Variants in MAG observed in about 807,000 individuals in gnomAD.
MAG encodes myelin-associated glycoprotein.
In MAG, 30 loss-of-function variants were observed where a neutral mutation model predicts 60.7. The ratio of observed to expected loss-of-function variants is 0.49; its 90% CI spans 0.37 to 0.67. MAG has a LOEUF of 0.67. Ranked by LOEUF, MAG falls within the 30% of genes least tolerant of loss-of-function variation. MAG has a pLI of 0.00. For missense variants in MAG, 795 were observed against 851.7 expected (o/e 0.93, Z 0.83); for synonymous variants, 384 against 376.8 (o/e 1.02, Z -0.22).
chr19:35,310,283 T>C, intron 8 of MAG, 122 bp downstream of exon 8: 1 of 1,314,396 alleles, frequency 7.6e-7, no homozygotes. Flanking sequence ...AAAGGTCAAA[T>C]TCTCCCTTTC....
Position 35,307,165 on chromosome 19 carries a change from C to T in MAG, c.1232-2709C>T, listed in dbSNP as rs903721127. On this transcript the variant is annotated intron_variant, in intron 7 of 10. Transcript: ENST00000392213. ...CAGGTTCGCTGTTATTAATGTACTC[C>T]GTGGCGTGTTAGCTGGTTAACGCTA... is the stretch of plus-strand genomic sequence containing the variant. 7.2e-5 allele frequency among the ~76,000 whole-genome samples: 11 copies of T among 152,368 alleles called. No homozygotes were observed. The East Asian group carries it at 7.7e-4, about 11-fold the overall frequency.
rs2066385421 is a variant in MAG at position 35,295,015 on chromosome 19, C to A, written c.-23-371C>A. On this transcript the variant is annotated intron_variant, in intron 2 of 10. Coordinates refer to ENST00000392213, the MANE Select transcript of MAG (RefSeq NM_002361.4). This position sits in a 1 kb window ranked among gnomAD's most constrained non-coding sequence, Gnocchi z 5.8. ...TTACACCTGTAATCCTTTGGGAAGC[C>A]AAGGCAGGAATATTGCTGGAGGCCA... 6.6e-6 allele frequency among the ~76,000 whole-genome samples: 1 copy of A among 152,004 alleles called. No homozygotes were observed. The highest frequency in any genetic ancestry group is 2.4e-5 in the African/African-American group (1 of 41,354).
rs185570196 is a variant in MAG at position 35,293,518 on chromosome 19, G to A, written c.-79-717G>A. On this transcript the variant is annotated intron_variant, in intron 1 of 10. Coordinates refer to ENST00000392213, the MANE Select transcript of MAG (RefSeq NM_002361.4). The surrounding 1 kb of genome is among the most constrained non-coding windows in gnomAD (Gnocchi z 4.0). ...GCTACATCTGTCACATTTCATCCCC[G>A]CGATTGGATGTGTCTGTGCATGTGT... Among the ~76,000 whole-genome samples, 44 of 152,160 alleles carry A rather than the reference G, an allele frequency of 2.9e-4. No homozygotes were observed. Among genetic ancestry groups the A allele is most frequent in the South Asian group, 2.1e-4 (1 of 4,818 alleles).
intron 5 of MAG, 28 bp downstream of exon 5, chr19:35,299,878 T>C (rs941577440): frequency 3.1e-3 from 112 of 36,088 alleles, no homozygotes; most frequent in Middle Eastern, 0.012. Flanking sequence ...CGGGGCGGGG[T>C]GGGGCGGGGT....
intron 7 of MAG, among the ~76,000 whole-genome samples, chr19:35,304,442 G>T (rs1244067803): frequency 6.6e-6 from 1 of 152,122 alleles, no homozygotes; most frequent in African/African-American, 2.4e-5. Flanking sequence ...CTCCTTTATA[G>T]TAAGAGCAGC....
Position 35,310,295 on chromosome 19 carries a change from G to A in MAG, c.1519+134G>A, listed in dbSNP as rs1035044169. The A allele has an allele frequency of 2.7e-5, 34 of 1,259,240 alleles. No individual in the cohort carries two copies. The East Asian group carries it at 8.2e-4, about 30-fold the overall frequency. 78.0% of individuals were successfully genotyped at this position (1,259,240 alleles called of 1,614,324 possible). A position where few individuals can be genotyped will look rare whatever the true frequency, so the allele number is the denominator to read the frequency against. On this transcript the variant is annotated intron_variant, in intron 8 of 10. Transcript: ENST00000392213. ...CAGAAAGGTCAAATTCTCCCTTTCC[G>A]GTTGGAGAGGAGAAGCCGCCCTGAG...
At chr19:35,303,433 G>C (rs142556670) in intron 7 of MAG, among the ~76,000 whole-genome samples, 1 of 152,260 alleles carries the variant, frequency 6.6e-6, no homozygotes, top group Non-Finnish European at 1.5e-5. Flanking sequence ...TACGGAGAAG[G>C]AAACTGAGAC....
At chr19:35,297,880 A>C (rs1202204949) in intron 4 of MAG, among the ~76,000 whole-genome samples, 2 of 127,292 alleles carry the variant, frequency 1.6e-5, no homozygotes, top group Non-Finnish European at 3.3e-5. Context: ...CAACACACCA[A>C]ACACACACCA....
At chr19:35,299,872 GCGGGGTGGGGCGGGGTGGGGCGGGGTC>G in intron 5 of MAG, 22 bp downstream of exon 5, 3 of 880,258 alleles carry the variant, frequency 3.4e-6, no homozygotes, top group Non-Finnish European at 4.7e-6. Flanking sequence ...TGCGGGCGGG[GCGGGGTGGGGCGGGGTGGGGCGGGGTC>G]CGGGGAGGGG....
chr19:35,301,774 C>T (rs531494657), intron 6 of MAG, among the ~76,000 whole-genome samples: 6 of 152,212 alleles, frequency 3.9e-5, no homozygotes, highest in African/African-American at 1.2e-4. Flanking sequence ...CCATGTTGGT[C>T]AGGCTGCTCT....
At chr19:35,299,468 TG>T in intron 4 of MAG, 85 bp from the exon 5 acceptor site, 1 of 787,598 alleles carries the variant, frequency 1.3e-6, no homozygotes, top group South Asian at 2.0e-5. Flanking sequence ...GCAATGGAGG[TG>T]GACAAGGAGG....
intron 4 of MAG, among the ~76,000 whole-genome samples, chr19:35,298,586 C>T (rs1236847407): frequency 2.0e-5 from 3 of 149,846 alleles, no homozygotes; most frequent in Non-Finnish European, 3.0e-5. Flanking sequence ...ACACCCTACA[C>T]ACCCTGCACA....
chr19:35,303,537 C>T (rs2066463772), intron 7 of MAG, among the ~76,000 whole-genome samples: 1 of 152,140 alleles, frequency 6.6e-6, no homozygotes, highest in Admixed American at 6.6e-5. Context: ...ATTCTTCTTC[C>T]CTGCCCAAGG....
rs200278152 is a variant in MAG, at chr19:35,313,430, G to A, written c.1857G>A (p.Glu619=). Residue 619 remains glutamate (E), a synonymous_variant, in exon 11 of 11, where the codon GAG becomes GAA. Transcript: ENST00000392213. ...DSYTLTEELA[E]YAEIRVK Reference sequence around the variant, plus strand: ...ACACGCTGACGGAGGAGCTAGCTGAGTATGCTGAAATCCGGGTCAAGTGAA... The same window carrying A: ...ACACGCTGACGGAGGAGCTAGCTGAATATGCTGAAATCCGGGTCAAGTGAA... 68 of 1,613,212 alleles carry A rather than the reference G, an allele frequency of 4.2e-5. No individual in the cohort carries two copies. The highest frequency in any genetic ancestry group is 3.3e-4 in the South Asian group (30 of 91,034).
intron 7 of MAG, among the ~76,000 whole-genome samples, chr19:35,304,548 A>ATT (rs535203554): frequency 1.3e-5 from 2 of 148,768 alleles, no homozygotes; most frequent in African/African-American, 4.9e-5. Context: ...TATTATTATT[A>ATT]TTTTTTTTTT....
At chr19:35,312,159 G>A in intron 10 of MAG, 142 bp downstream of exon 10, 2 of 1,246,446 alleles carry the variant, frequency 1.6e-6, no homozygotes, top group South Asian at 2.4e-5. Context: ...GGGCTGGGTT[G>A]GACCTGGAGG....
rs1305598429 is a variant in MAG at position 35,293,974 on chromosome 19, G to A, written c.-79-261G>A. 6.6e-6 allele frequency among the ~76,000 whole-genome samples: 1 copy of A among 151,846 alleles called. No homozygotes were observed. The highest frequency in any genetic ancestry group is 1.9e-4 in the East Asian group (1 of 5,180). On this transcript the variant is annotated intron_variant, in intron 1 of 10. Coordinates refer to ENST00000392213, the MANE Select transcript of MAG (RefSeq NM_002361.4). The surrounding 1 kb of genome is among the most constrained non-coding windows in gnomAD (Gnocchi z 4.0). Reference sequence around the variant, plus strand: ...GGACATCTGCTCCCTCACTCCACTCGCCACACCCCTCAGTCTCACCCCCGT... The same window carrying A: ...GGACATCTGCTCCCTCACTCCACTCACCACACCCCTCAGTCTCACCCCCGT...
intron 7 of MAG, among the ~76,000 whole-genome samples, chr19:35,308,216 G>A (rs80128691): frequency 0.049 from 7,522 of 152,258 alleles, 532 homozygotes; most frequent in African/African-American, 0.16. Flanking sequence ...AGGAGACGCC[G>A]CATGGGTAGA....
At chr19:35,310,685 A>G (rs2066520889) in intron 9 of MAG, 42 bp downstream of exon 9, 4 of 1,580,160 alleles carry the variant, frequency 2.5e-6, no homozygotes, top group Admixed American at 1.7e-5. Context: ...GGAGTCTCCA[A>G]AAAGGGGACC....
Sources: allele counts gnomAD v4.1 joint callset (sites outside exome capture counted in the v4.1 genomes callset), GRCh38; gene constraint gnomAD v4.1.1; non-coding constraint Gnocchi (gnomAD v3.1); transcripts MANE v1.5; gene names NCBI Gene and HGNC (gene_info 2026-07-23, HGNC 2026-07-21).